The following ERBIN variants were observed in gnomAD, a reference collection of about 807,000 sequenced individuals.
ERBIN encodes densin-180-like protein.
In ERBIN, 60 loss-of-function variants were observed where a neutral mutation model predicts 158.4. The observed-to-expected ratio is 0.38, with a 90% confidence interval of 0.31 to 0.47. ERBIN has a LOEUF of 0.47. Among genes scored for constraint, ERBIN ranks in the 20% least tolerant of loss-of-function variants. The pLI, the probability that ERBIN is intolerant of heterozygous loss-of-function variation, is 0.99. For synonymous variants in ERBIN, 594 were observed against 557.2 expected, an observed-to-expected ratio of 1.07 and a Z score of -0.93; for missense variants, 1,610 against 1,648.0, an observed-to-expected ratio of 0.98 and a Z score of 0.40.
chr5:66,008,510 A>T (rs1202590390), intron 4 of ERBIN, among the ~76,000 whole-genome samples: 1 of 152,206 alleles, frequency 6.6e-6, no homozygotes, highest in Non-Finnish European at 1.5e-5. Flanking sequence ...GCTAATAAAT[A>T]CATTTTTATA....
intron 4 of ERBIN, among the ~76,000 whole-genome samples, chr5:65,997,721 G>A (rs16894695): frequency 0.04 from 6,109 of 152,202 alleles, 416 homozygotes; most frequent in African/African-American, 0.14. Context: ...AGCAGTGCCA[G>A]CAAATATGTA....
At chr5:66,032,575 G>A (rs574465177) in intron 14 of ERBIN, among the ~76,000 whole-genome samples, 1 of 152,308 alleles carries the variant, frequency 6.6e-6, no homozygotes, top group Non-Finnish European at 1.5e-5. Context: ...ACGGAAACCA[G>A]TGTAACATTG....
chr5:65,960,515 A>G (rs1747786498), intron 1 of ERBIN, among the ~76,000 whole-genome samples: 1 of 152,206 alleles, frequency 6.6e-6, no homozygotes, highest in Admixed American at 6.5e-5. Context: ...CCTATGTCCT[A>G]CCTTCTAGAG....
intron 21 of ERBIN, 66 bp from the exon 22 acceptor site, chr5:66,072,103 T>C: frequency 6.7e-7 from 1 of 1,499,862 alleles, no homozygotes; most frequent in Non-Finnish European, 9.0e-7. Context: ...TTCTCTCAAG[T>C]GTCATCCTCT....
chr5:65,980,287 G>C (rs2151013673), intron 1 of ERBIN, among the ~76,000 whole-genome samples: 1 of 152,110 alleles, frequency 6.6e-6, no homozygotes, highest in Non-Finnish European at 1.5e-5. Context: ...GTGGTGTTGG[G>C]TGCGGTGTCG....
chr5:66,045,295 C>A (rs993632775), intron 17 of ERBIN, among the ~76,000 whole-genome samples: 1 of 152,034 alleles, frequency 6.6e-6, no homozygotes, highest in African/African-American at 2.4e-5. Flanking sequence ...TTCCTATAGT[C>A]AGATATGTTT....
At chr5:65,998,101 C>A (rs1374061053) in intron 4 of ERBIN, among the ~76,000 whole-genome samples, 2 of 151,858 alleles carry the variant, frequency 1.3e-5, no homozygotes, top group Non-Finnish European at 2.9e-5. Flanking sequence ...GTGGCACGTG[C>A]CTGTAGTCCC....
At chr5:65,941,381 A>C (rs1237971237) in intron 1 of ERBIN, among the ~76,000 whole-genome samples, 5 of 150,970 alleles carry the variant, frequency 3.3e-5, no homozygotes, top group East Asian at 1.9e-4. Flanking sequence ...TAGCATTTGC[A>C]TTGTTTTAGG....
At chr5:65,937,648 C>T (rs556475713) in intron 1 of ERBIN, among the ~76,000 whole-genome samples, 29 of 152,256 alleles carry the variant, frequency 1.9e-4, no homozygotes, top group South Asian at 4.1e-4. Flanking sequence ...GTGGCTCATG[C>T]CTGTAATCCC....
chr5:65,975,021 T>C (rs1749698923), intron 1 of ERBIN, among the ~76,000 whole-genome samples: 1 of 152,172 alleles, frequency 6.6e-6, no homozygotes, highest in Non-Finnish European at 1.5e-5. Flanking sequence ...TATTTAGTTA[T>C]TTATATTTGA....
intron 15 of ERBIN, among the ~76,000 whole-genome samples, chr5:66,042,741 G>A (rs930635204): frequency 6.6e-6 from 1 of 151,998 alleles, no homozygotes; most frequent in Non-Finnish European, 1.5e-5. Context: ...TGATGAAATT[G>A]CATTTCTACC....
chr5:65,986,191 A>G (rs1469649885), intron 1 of ERBIN, among the ~76,000 whole-genome samples: 2 of 152,144 alleles, frequency 1.3e-5, no homozygotes, highest in South Asian at 2.1e-4. Flanking sequence ...CTCTTCCCAC[A>G]TCTCTGAATG....
intron 21 of ERBIN, among the ~76,000 whole-genome samples, chr5:66,058,485 T>A (rs1759878915): frequency 6.6e-6 from 1 of 151,630 alleles, no homozygotes; most frequent in Admixed American, 6.6e-5. Flanking sequence ...TTCTGTAGGT[T>A]GCCTGTTCAC....
At chr5:65,998,005 A>G (rs1180326836) in intron 4 of ERBIN, among the ~76,000 whole-genome samples, 4 of 152,038 alleles carry the variant, frequency 2.6e-5, no homozygotes, top group Admixed American at 6.6e-5. Flanking sequence ...AGGTGGGTAG[A>G]TCACTTGAGG....
chr5:66,026,507 G>T (rs1756272106), intron 13 of ERBIN, 90 bp downstream of exon 13: 2 of 571,530 alleles, frequency 3.5e-6, no homozygotes, highest in Admixed American at 7.5e-5. Context: ...AATAGCTAGT[G>T]CTTGTTGCTC....
rs1482041676 is a variant in ERBIN, at chr5:66,081,084, C to T, written c.*2554C>T. 1 of 151,830 alleles carries T rather than the reference C, an allele frequency of 6.6e-6. No homozygotes were observed. The highest frequency in any genetic ancestry group is 2.4e-5 in the African/African-American group (1 of 41,398). The allele number at this position is 151,830 out of a possible 1,614,324, so 9.4% of individuals were successfully genotyped here. On this transcript the variant is annotated 3_prime_UTR_variant, in exon 26 of 26. Transcript: ENST00000284037. ...GTAAATTGTAGTTAAGGCCTATACC[C>T]ATAACTAACTTTAGTAAGTATTATA...
chr5:65,931,727 A>G (rs1008732589), intron 1 of ERBIN, among the ~76,000 whole-genome samples: 2 of 152,064 alleles, frequency 1.3e-5, no homozygotes, highest in Non-Finnish European at 2.9e-5. Context: ...CATCTGTTAC[A>G]GTATGTTCTT....
rs763114858 is a variant in ERBIN at position 66,054,626 on chromosome 5, A to T, written c.3308A>T (p.Asp1103Val). ...AGGCGGGCTCAGATTCCTGAAGGAG[A>T]TTATTTATCATACAGAGAGTTCCAC... ...STRRAQIPEG[D>V]YLSYREFHSA... Residue 1103 changes from aspartate to valine, a missense_variant, in exon 21 of 26, where the codon GAT becomes GTT. Coordinates refer to ENST00000284037, the MANE Select transcript of ERBIN (RefSeq NM_001253697.2). 6.2e-7 allele frequency: 1 copy of T among 1,614,050 alleles called. No homozygotes were observed. The highest frequency in any genetic ancestry group is 1.1e-5 in the South Asian group (1 of 91,066).
intron 1 of ERBIN, chr5:65,984,679 C>A (rs1751026661): frequency 6.6e-6 from 1 of 152,252 alleles, no homozygotes; most frequent in Admixed American, 6.5e-5. Flanking sequence ...GCAGTGTATG[C>A]TGGAGCCTCA....
Sources: gnomAD v4.1 joint callset for allele counts (sites outside exome capture counted in the v4.1 genomes callset) on GRCh38, gnomAD v4.1.1 for gene constraint, MANE v1.5 for transcripts, NCBI Gene and HGNC (gene_info 2026-07-23, HGNC 2026-07-21) for gene names.